The following NELL1 variants were observed in gnomAD, a reference collection of about 807,000 sequenced individuals.
The protein encoded by NELL1 is neural EGFL like 1, also known as protein kinase C-binding protein NELL1.
A neutral mutation model predicts 107.4 loss-of-function variants in NELL1; 76 were observed. The ratio of observed to expected loss-of-function variants is 0.71; its 90% CI spans 0.59 to 0.86. The LOEUF is 0.86. Among genes scored for constraint, NELL1 ranks in the 40% least tolerant of loss-of-function variants. The probability of loss-of-function intolerance (pLI) is 0.00; values close to 1 mark genes in which losing one functional copy is unlikely to be tolerated. For synonymous variants in NELL1, 353 were observed against 341.2 expected, an observed-to-expected ratio of 1.03 and a Z score of -0.38; for missense variants, 1,024 against 1,005.5, an observed-to-expected ratio of 1.02 and a Z score of -0.25.
At chr11:21,013,638 G>A (rs569508698) in intron 12 of NELL1, among the ~76,000 whole-genome samples, 2 of 152,068 alleles carry the variant, frequency 1.3e-5, no homozygotes, top group African/African-American at 4.8e-5. Context: ...CAGAAAAATT[G>A]TGAAGATGTG....
chr11:21,211,718 A>G (rs1345956068), intron 13 of NELL1, among the ~76,000 whole-genome samples: 1 of 152,162 alleles, frequency 6.6e-6, no homozygotes, highest in Non-Finnish European at 1.5e-5. Context: ...TTAGGAAGAA[A>G]AATTAGCAAG....
rs530598143 is a variant in NELL1 at position 21,444,349 on chromosome 11, C to T, written c.1645+73401C>T. Reference sequence around the variant, plus strand: ...CACATTTATTGACTATTCTCAGGTACAATTTCTGGAAGTGAAATTATTTCT... The same window carrying T: ...CACATTTATTGACTATTCTCAGGTATAATTTCTGGAAGTGAAATTATTTCT... On this transcript the variant is annotated intron_variant, in intron 15 of 19. Coordinates refer to ENST00000357134, the MANE Select transcript of NELL1 (RefSeq NM_006157.5). Among the ~76,000 whole-genome samples, 294 of 152,120 alleles carry T rather than the reference C, an allele frequency of 1.9e-3. 4 individuals carry two copies. The highest frequency in any genetic ancestry group is 3.0e-3 in the Non-Finnish European group (207 of 67,968).
intron 13 of NELL1, among the ~76,000 whole-genome samples, chr11:21,162,447 T>C (rs1453998): frequency 0.68 from 103,729 of 152,004 alleles, 35,531 homozygotes; most frequent in Admixed American, 0.77. Context: ...GATTAACGTA[T>C]TTGAAGATAC....
At chr11:21,530,909 C>G (rs1450134794) in intron 15 of NELL1, among the ~76,000 whole-genome samples, 1 of 151,994 alleles carries the variant, frequency 6.6e-6, no homozygotes, top group Non-Finnish European at 1.5e-5. Context: ...TACATTCATT[C>G]CCAGGGACTT....
intron 15 of NELL1, among the ~76,000 whole-genome samples, chr11:21,475,912 T>A (rs1430625489): frequency 6.6e-6 from 1 of 152,192 alleles, no homozygotes; most frequent in Admixed American, 6.6e-5. Flanking sequence ...TCTTCAACTT[T>A]GAGATTTTAT....
intron 2 of NELL1, among the ~76,000 whole-genome samples, chr11:20,751,741 C>T (rs1856145548): frequency 6.6e-6 from 1 of 152,136 alleles, no homozygotes; most frequent in South Asian, 2.1e-4. Flanking sequence ...CCTCCTGCCT[C>T]AGCCTTCTGA....
At position 20,991,990 on chromosome 11, in the gene NELL1, G is replaced by GTAA. The variant is rs769434874; in HGVS notation, c.1300+31430_1300+31431insTAA. On this transcript the variant is annotated intron_variant, in intron 12 of 19. Transcript: ENST00000357134. The stretch of plus-strand genomic sequence containing the variant: ...GGTTCTTTCAAAGCCAGTGTAGCAT[G>GTAA]CAAAAAAAAAAAAAAAAAAAAGTTG... Among the ~76,000 whole-genome samples the GTAA allele has an allele frequency of 9.2e-4, 61 of 66,240 alleles. 2 individuals carry two copies. The highest frequency in any genetic ancestry group is 3.1e-3 in the South Asian group (7 of 2,260). The allele number at this position is 66,240 out of a possible 152,430, so 43.5% of individuals were successfully genotyped here.
intron 4 of NELL1, among the ~76,000 whole-genome samples, chr11:20,877,583 A>T (rs369351966): frequency 2.0e-5 from 3 of 152,200 alleles, no homozygotes; most frequent in African/African-American, 7.2e-5. Context: ...CAGACAATAC[A>T]CTTGTTAGGG....
At chr11:21,500,985 G>A (rs1250444515) in intron 15 of NELL1, among the ~76,000 whole-genome samples, 2 of 152,098 alleles carry the variant, frequency 1.3e-5, no homozygotes, top group Non-Finnish European at 2.9e-5. Context: ...TTTACTGATT[G>A]TAGGGGGCTA....
intron 13 of NELL1, among the ~76,000 whole-genome samples, chr11:21,184,081 C>A (rs887133797): frequency 6.6e-6 from 1 of 151,672 alleles, no homozygotes; most frequent in African/African-American, 2.4e-5. Context: ...GACTGGGAAC[C>A]CCAAGTTGGC....
At chr11:21,323,840 C>T (rs1176725537) in intron 14 of NELL1, among the ~76,000 whole-genome samples, 2 of 152,096 alleles carry the variant, frequency 1.3e-5, no homozygotes, top group Non-Finnish European at 2.9e-5. Context: ...CCCTACTGTA[C>T]CCCAGAAGGC....
chr11:21,152,362 T>C (rs1856137954), intron 13 of NELL1, among the ~76,000 whole-genome samples: 2 of 152,196 alleles, frequency 1.3e-5, no homozygotes, highest in African/African-American at 2.4e-5. Flanking sequence ...TGCTTGACAT[T>C]GATTAAAGTT....
At chr11:21,410,056 CA>C (rs1852337907) in intron 15 of NELL1, among the ~76,000 whole-genome samples, 1 of 151,904 alleles carries the variant, frequency 6.6e-6, no homozygotes, top group African/African-American at 2.4e-5. Flanking sequence ...ATTTGAAAAA[CA>C]AAACAATCTT....
chr11:20,855,097 A>T lies in NELL1; in HGVS notation c.506+7344A>T, dbSNP rs148835799. Reference sequence around the variant, plus strand: ...TATTCATATCAACCTCGCTAGGTGGATTCCAAGTTAACCTTGTCCTATGTT... The same window carrying T: ...TATTCATATCAACCTCGCTAGGTGGTTTCCAAGTTAACCTTGTCCTATGTT... On this transcript the variant is annotated intron_variant, in intron 4 of 19. Coordinates refer to ENST00000357134, the MANE Select transcript of NELL1 (RefSeq NM_006157.5). Among the ~76,000 whole-genome samples the T allele has an allele frequency of 2.0e-3, 301 of 152,166 alleles. 1 individual carries two copies. The highest frequency in any genetic ancestry group is 8.3e-3 in the South Asian group (40 of 4,814).
intron 16 of NELL1, among the ~76,000 whole-genome samples, chr11:21,557,886 T>C (rs1474236483): frequency 1.3e-5 from 2 of 152,006 alleles, no homozygotes; most frequent in Admixed American, 6.6e-5. Flanking sequence ...TATAGTATTC[T>C]GTTATACTCA....
At chr11:21,180,669 T>C (rs1023865017) in intron 13 of NELL1, among the ~76,000 whole-genome samples, 2 of 151,712 alleles carry the variant, frequency 1.3e-5, no homozygotes, top group Non-Finnish European at 2.9e-5. Flanking sequence ...TTTCTCTACA[T>C]TTTATCATAG....
intron 2 of NELL1, among the ~76,000 whole-genome samples, chr11:20,719,888 T>G (rs528611558): frequency 2.0e-5 from 2 of 101,054 alleles, no homozygotes; most frequent in South Asian, 1.0e-3. Context: ...CAGGATTTAA[T>G]GGAAAAACCA....
intron 16 of NELL1, among the ~76,000 whole-genome samples, chr11:21,551,252 AG>A (rs1443132166): frequency 6.6e-6 from 1 of 151,962 alleles, no homozygotes; most frequent in African/African-American, 2.4e-5. Context: ...CTGAGACCAT[AG>A]GGTTTTCTAC....
At chr11:21,242,728 A>G (rs980502815) in intron 14 of NELL1, among the ~76,000 whole-genome samples, 1 of 152,138 alleles carries the variant, frequency 6.6e-6, no homozygotes. Context: ...CAACCGTGTC[A>G]TCACCACTTT....
Sources: allele counts gnomAD v4.1 joint callset (sites outside exome capture counted in the v4.1 genomes callset), GRCh38; gene constraint gnomAD v4.1.1; transcripts MANE v1.5; gene names NCBI Gene and HGNC (gene_info 2026-07-23, HGNC 2026-07-21).